Variants in PCMTD1 observed in about 807,000 individuals in gnomAD.
PCMTD1 encodes protein-L-isoaspartate (D-aspartate) O-methyltransferase domain containing 1.
PCMTD1 carries 12 observed loss-of-function variants against 37.6 expected under a neutral mutation model. That is an observed-to-expected ratio of 0.32 (90% CI 0.20 to 0.52). The LOEUF (loss-of-function observed/expected upper bound fraction) is 0.52. Ranked by LOEUF, PCMTD1 falls within the 20% of genes least tolerant of loss-of-function variation. The probability of loss-of-function intolerance (pLI) is 0.97; values close to 1 mark genes in which losing one functional copy is unlikely to be tolerated. For synonymous variants in PCMTD1, 117 were observed against 135.8 expected, an observed-to-expected ratio of 0.86 and a Z score of 0.96; for missense variants, 235 against 421.3, an observed-to-expected ratio of 0.56 and a Z score of 3.87.
At chr8:51,873,270 T>C (rs1472171770) in intron 1 of PCMTD1, among the ~76,000 whole-genome samples, 1 of 152,186 alleles carries the variant, frequency 6.6e-6, no homozygotes. Flanking sequence ...GGATTTCCCA[T>C]ACAATAAAGG....
chr8:51,893,583 G>A (rs973123423), intron 1 of PCMTD1, among the ~76,000 whole-genome samples: 5 of 152,106 alleles, frequency 3.3e-5, no homozygotes, highest in Admixed American at 2.6e-4. Flanking sequence ...TAGAAAACTT[G>A]TCTGACTCAA....
chr8:51,864,946 T>C (rs888416678), intron 1 of PCMTD1, among the ~76,000 whole-genome samples: 2 of 151,820 alleles, frequency 1.3e-5, no homozygotes, highest in African/African-American at 2.4e-5. Flanking sequence ...AAAAAACCTT[T>C]AGCAACTAAG....
intron 3 of PCMTD1, among the ~76,000 whole-genome samples, chr8:51,843,244 T>G (rs548701779): frequency 3.4e-4 from 52 of 152,102 alleles, no homozygotes; most frequent in Middle Eastern, 3.4e-3. Context: ...ATGAAACATT[T>G]CCCTAGTACC....
intron 5 of PCMTD1, 91 bp from the exon 6 acceptor site, chr8:51,820,809 T>C (rs914217244): frequency 7.6e-7 from 1 of 1,317,452 alleles, no homozygotes; most frequent in East Asian, 2.6e-5. Context: ...ATGTGTTTCT[T>C]AGCATATTTT....
At chr8:51,899,074 G>A (rs1332180359), upstream of PCMTD1, 19 of 1,498,912 alleles carry the variant, frequency 1.3e-5, no homozygotes, top group Admixed American at 6.4e-5. Flanking sequence ...GGAGCAGCCA[G>A]AGCCTCCCGG....
intron 1 of PCMTD1, among the ~76,000 whole-genome samples, chr8:51,897,160 G>A (rs956279786): frequency 6.6e-6 from 1 of 152,082 alleles, no homozygotes; most frequent in Non-Finnish European, 1.5e-5. Context: ...TTCTTTCCCT[G>A]GAAGCTAGCA....
In PCMTD1 at chr8:51,848,745, A is replaced by G. The variant is rs187400532; in HGVS notation, c.308-2982T>C. 1.2e-4 allele frequency among the ~76,000 whole-genome samples: 19 copies of G among 152,304 alleles called. No individual in the cohort carries two copies. The East Asian group carries it at 3.7e-3, about 29-fold the overall frequency. ...TTCATTAATATGTAAAGAATTTGAC[A>G]AACAATATAAATATACATGCAAAAT... On this transcript the variant is annotated intron_variant, in intron 2 of 5. Transcript: ENST00000522514.
At chr8:51,868,022 T>A (rs1465784932) in intron 1 of PCMTD1, among the ~76,000 whole-genome samples, 1 of 152,136 alleles carries the variant, frequency 6.6e-6, no homozygotes, top group African/African-American at 2.4e-5. Context: ...GAGAGGCAAA[T>A]TTTTTAACTG....
chr8:51,875,956 GTGTGTC>G (rs1244387455), intron 1 of PCMTD1, among the ~76,000 whole-genome samples: 1 of 99,422 alleles, frequency 1.0e-5, no homozygotes. Context: ...GTGTGTGTGT[GTGTGTC>G]TGTGTGTGTG....
chr8:51,871,479 C>T (rs957542194), intron 1 of PCMTD1, among the ~76,000 whole-genome samples: 7 of 152,176 alleles, frequency 4.6e-5, no homozygotes, highest in Non-Finnish European at 8.8e-5. Context: ...CAGTCAGATA[C>T]CAAAACTCTT....
intron 2 of PCMTD1, among the ~76,000 whole-genome samples, chr8:51,855,165 A>T (rs2038366072): frequency 7.4e-6 from 1 of 135,444 alleles, no homozygotes; most frequent in African/African-American, 2.8e-5. Context: ...CAAGAGTGAA[A>T]CTCCATCTCA....
In PCMTD1 at chr8:51,871,952, A is replaced by G. The variant is rs150238433; in HGVS notation, c.-95-10706T>C. ...ACATTTTGATACATGGTGAGTTTTA[A>G]GATGCCTATATTCACAGATGTAGCT... On this transcript the variant is annotated intron_variant, in intron 1 of 5. Transcript: ENST00000522514. 3.2e-4 allele frequency among the ~76,000 whole-genome samples: 49 copies of G among 152,320 alleles called. No individual in the cohort carries two copies. In the East Asian group the frequency reaches 8.9e-3, roughly 28 times the overall value.
chr8:51,862,273 G>T (rs1036343260), intron 1 of PCMTD1, among the ~76,000 whole-genome samples: 6 of 151,902 alleles, frequency 3.9e-5, no homozygotes, highest in African/African-American at 1.2e-4. Context: ...TGATTGTTTT[G>T]TTTAGTAAAC....
Position 51,859,238 on chromosome 8 carries a change from CCT to C in PCMTD1, c.307+1605_307+1606del, listed in dbSNP as rs543405469. Among the ~76,000 whole-genome samples the C allele has an allele frequency of 5.6e-3, 850 of 152,068 alleles. 6 individuals are homozygous for C. The highest frequency in any genetic ancestry group is 8.1e-3 in the African/African-American group (337 of 41,464). Reference sequence around the variant, plus strand: ...AAATGTTCAAGGACAGCAATTCCCCCCTCTTTTTTTTTTTAAAGAAGCAACTC... The same window carrying C: ...AAATGTTCAAGGACAGCAATTCCCCCCTTTTTTTTTTTAAAGAAGCAACTC... On this transcript the variant is annotated intron_variant, in intron 2 of 5. Transcript: ENST00000522514.
In PCMTD1 at chr8:51,861,191, A is replaced by G. The variant is rs1173093971; in HGVS notation, c.-40T>C. ...CAAATCATAAATTTAAAAGTGAAAT[A>G]AAATTAGTAGAAATGGCTTCCAATA... is the stretch of plus-strand genomic sequence containing the variant. On this transcript the variant is annotated 5_prime_UTR_variant, in exon 2 of 6. Transcript: ENST00000522514. The G allele has an allele frequency of 6.5e-7, 1 of 1,536,978 alleles. No homozygotes were observed. The highest frequency in any genetic ancestry group is 1.4e-5 in the African/African-American group (1 of 72,316).
At position 51,891,690 on chromosome 8, in the gene PCMTD1, A is replaced by G. The variant is rs951576431; in HGVS notation, c.-96+7240T>C. 4.7e-4 allele frequency among the ~76,000 whole-genome samples: 36 copies of G among 76,982 alleles called. 1 individual carries two copies. The Admixed American group carries it at 6.6e-3, about 14-fold the overall frequency. The allele number at this position is 76,982 out of a possible 152,430, so 50.5% of individuals were successfully genotyped here. A position where few individuals can be genotyped will look rare whatever the true frequency, so the allele number is the denominator to read the frequency against. On this transcript the variant is annotated intron_variant, in intron 1 of 5. Transcript: ENST00000522514. The stretch of plus-strand genomic sequence containing the variant: ...AAAAACAAAAAATATATATATACAT[A>G]TATATGTATATATATATATATAGCT...
chr8:51,881,787 A>G (rs73592239), intron 1 of PCMTD1, among the ~76,000 whole-genome samples: 6,521 of 152,242 alleles, frequency 0.043, 458 homozygotes, highest in African/African-American at 0.14. Flanking sequence ...AACTTTGCTC[A>G]TATCTGGGCT....
At chr8:51,823,818 C>G (rs2037881978) in intron 5 of PCMTD1, among the ~76,000 whole-genome samples, 1 of 152,176 alleles carries the variant, frequency 6.6e-6, no homozygotes, top group African/African-American at 2.4e-5. Context: ...CAAACCGAAT[C>G]CAGCAGCACA....
chr8:51,873,491 T>A (rs755425680), intron 1 of PCMTD1, among the ~76,000 whole-genome samples: 3 of 152,216 alleles, frequency 2.0e-5, no homozygotes, highest in Non-Finnish European at 4.4e-5. Context: ...ACTGTCATCA[T>A]CAAATCATAG....
Sources: gnomAD v4.1 joint callset for allele counts (sites outside exome capture counted in the v4.1 genomes callset) on GRCh38, gnomAD v4.1.1 for gene constraint, MANE v1.5 for transcripts, NCBI Gene and HGNC (gene_info 2026-07-23, HGNC 2026-07-21) for gene names.